The following FANCB variants were observed in gnomAD, a reference collection of about 807,000 sequenced individuals.
The protein encoded by FANCB is FA complementation group B, also known as Fanconi anemia group B protein.
In FANCB, 5 loss-of-function variants were observed where a neutral mutation model predicts 38.9. That is an observed-to-expected ratio of 0.13 (90% CI 0.07 to 0.27). The LOEUF (loss-of-function observed/expected upper bound fraction) is 0.27, where lower values mean the gene tolerates loss of function less well. Among genes scored for constraint, FANCB ranks in the 10% least tolerant of loss-of-function variants. FANCB has a pLI of 1.00. For synonymous variants in FANCB, 236 were observed against 215.4 expected, an observed-to-expected ratio of 1.10 and a Z score of -0.84; for missense variants, 573 against 602.7, an observed-to-expected ratio of 0.95 and a Z score of 0.52.
the FANCB span, among the ~76,000 whole-genome samples, chrX:14,730,046 T>C: frequency 1.8e-5 from 2 of 112,088 alleles, no homozygotes; most frequent in African/African-American, 6.5e-5. Flanking sequence ...ATCTGTTCCA[T>C]GAATAATTGA....
chrX:14,724,600 T>G, the FANCB span, among the ~76,000 whole-genome samples: 1 of 75,630 alleles, frequency 1.3e-5, no homozygotes, highest in Non-Finnish European at 2.3e-5. Context: ...CACTCCAACC[T>G]GGGTGACAAA....
the FANCB span, among the ~76,000 whole-genome samples, chrX:14,824,196 A>G: frequency 2.7e-5 from 3 of 111,712 alleles, no homozygotes; most frequent in Non-Finnish European, 5.6e-5. Flanking sequence ...TTCCTCATAG[A>G]TAAGAAATGA....
chrX:14,800,465 C>CAG, the FANCB span, among the ~76,000 whole-genome samples: 22 of 110,102 alleles, frequency 2.0e-4, no homozygotes, highest in Non-Finnish European at 3.2e-4. Context: ...CTAGAGCTTT[C>CAG]AGAGAGAGAG....
At chrX:14,787,470 A>G in the FANCB span, among the ~76,000 whole-genome samples, 1 of 110,806 alleles carries the variant, frequency 9.0e-6, no homozygotes, top group Non-Finnish European at 1.9e-5. Context: ...CGACTTAGTG[A>G]TCTATTGCAA....
the FANCB span, among the ~76,000 whole-genome samples, chrX:14,784,220 A>G: frequency 8.9e-6 from 1 of 112,695 alleles, no homozygotes; most frequent in Non-Finnish European, 1.9e-5. Context: ...TCAAAAAAGA[A>G]AAAGATATAT....
chrX:14,753,767 T>A, the FANCB span, among the ~76,000 whole-genome samples: 1 of 111,689 alleles, frequency 9.0e-6, no homozygotes, highest in Non-Finnish European at 1.9e-5. Flanking sequence ...AATGTCCTAT[T>A]CGCCAAAGGA....
the FANCB span, among the ~76,000 whole-genome samples, chrX:14,736,812 A>C: frequency 8.9e-6 from 1 of 112,018 alleles, no homozygotes; most frequent in Admixed American, 9.4e-5. Context: ...TCCACGAAGA[A>C]AGAAAAAATA....
At chrX:14,759,571 G>A in the FANCB span, among the ~76,000 whole-genome samples, 7,266 of 111,215 alleles carry the variant, frequency 0.065, 278 homozygotes, top group African/African-American at 0.13. Context: ...GATCTTTAGC[G>A]TTTTTAAACA....
chrX:14,757,061 C>T, the FANCB span, among the ~76,000 whole-genome samples: 1 of 112,181 alleles, frequency 8.9e-6, no homozygotes, highest in African/African-American at 3.2e-5. Context: ...ATTAAAAAGA[C>T]AAAGTAATTA....
chrX:14,855,737 C>T (rs1191588904), intron 5 of FANCB, among the ~76,000 whole-genome samples: 2 of 111,884 alleles, frequency 1.8e-5, no homozygotes, highest in Non-Finnish European at 3.8e-5. Context: ...TGAAAAATTA[C>T]TTGTGAGATT....
At chrX:14,872,839 T>A (rs1343927179) in intron 1 of FANCB, 147 bp downstream of exon 1, 1 of 113,099 alleles carries the variant, frequency 8.8e-6, no homozygotes, top group East Asian at 2.8e-4. Context: ...AAAATCCAAT[T>A]ATCATTGCAA....
the FANCB span, chrX:14,730,347 CAAG>C: frequency 1.2e-5 from 14 of 1,208,765 alleles, no homozygotes; most frequent in Admixed American, 4.4e-5. Flanking sequence ...GAGATGCTAT[CAAG>C]AAGAAGTTTG....
At chrX:14,844,419 C>T (rs1293982867) in intron 9 of FANCB, 84 bp downstream of exon 9, 2 of 681,195 alleles carry the variant, frequency 2.9e-6, no homozygotes, top group African/African-American at 2.1e-5. Flanking sequence ...ATACAAAACA[C>T]ATGCGGATCG....
chrX:14,711,488 G>T, the FANCB span, among the ~76,000 whole-genome samples: 1 of 112,137 alleles, frequency 8.9e-6, no homozygotes, highest in Admixed American at 9.5e-5. Context: ...ATGGGAACCT[G>T]GTAAGAGAAG....
Position 14,865,396 on chromosome X carries a change from T to C in FANCB, c.115A>G (p.Lys39Glu), listed in dbSNP as rs1464399785. Residue 39 changes from lysine (K) to glutamate (E), a missense_variant, in exon 3 of 10, where the codon AAA (lysine) becomes GAA (glutamate). Transcript: ENST00000650831. ...KGNFADKEPT[K>E]TPILHVRRMV... Reference sequence around the variant, plus strand: ...CTTCTGACATGTAATATGGGTGTTTTTGTAGGCTCTTTATCTGCAAAATTT... The same window carrying C: ...CTTCTGACATGTAATATGGGTGTTTCTGTAGGCTCTTTATCTGCAAAATTT... The C allele has an allele frequency of 8.3e-7, 1 of 1,206,976 alleles. No homozygotes were observed. The highest frequency in any genetic ancestry group is 1.8e-5 in the South Asian group (1 of 56,748).
the FANCB span, among the ~76,000 whole-genome samples, chrX:14,768,153 G>T: frequency 9.0e-6 from 1 of 111,422 alleles, no homozygotes; most frequent in Admixed American, 9.5e-5. Flanking sequence ...GCTCTTTTTT[G>T]GTTCCATATT....
Position 14,853,306 on chromosome X carries a change from A to G in FANCB, c.1198-139T>C, listed in dbSNP as rs763994481. The G allele has an allele frequency of 3.5e-4, 179 of 517,309 alleles. 1 individual carries two copies. The South Asian group carries it at 4.8e-3, about 14-fold the overall frequency. 42.6% of individuals were successfully genotyped at this position (517,309 alleles called of 1,213,427 possible). On this transcript the variant is annotated intron_variant, in intron 5 of 9. Transcript: ENST00000650831. ...AGAAAATAAAATACTTCTCAGAGCA[A>G]AACAGTTTTGTTTATAGATTTTAAG...
intron 9 of FANCB, 61 bp from the exon 10 acceptor site, chrX:14,844,042 C>G (rs989738529): frequency 7.8e-6 from 7 of 898,151 alleles, no homozygotes; most frequent in Non-Finnish European, 9.6e-6. Flanking sequence ...CAGTCATGTA[C>G]AATATACTGC....
At chrX:14,822,838 G>C in the FANCB span, among the ~76,000 whole-genome samples, 2 of 110,961 alleles carry the variant, frequency 1.8e-5, no homozygotes, top group African/African-American at 6.6e-5. Flanking sequence ...TCCCTCTAAT[G>C]GTTCTGAAAA....
Sources: allele counts gnomAD v4.1 joint callset (sites outside exome capture counted in the v4.1 genomes callset), GRCh38; gene constraint gnomAD v4.1.1; transcripts MANE v1.5; gene names NCBI Gene and HGNC (gene_info 2026-07-23, HGNC 2026-07-21).